The following SLC19A3 variants were observed in gnomAD, a reference collection of about 807,000 sequenced individuals.
SLC19A3 encodes the protein thiamine transporter 2.
Under a neutral mutation model 40.2 loss-of-function variants are expected in SLC19A3, and 31 were observed. That is an observed-to-expected ratio of 0.77 (90% CI 0.58 to 1.04). The LOEUF is 1.04. Ranked by LOEUF, SLC19A3 falls within the 50% of genes least tolerant of loss-of-function variation. The pLI is 0.00. For synonymous variants in SLC19A3, 212 were observed against 227.5 expected, an observed-to-expected ratio of 0.93 and a Z score of 0.61; for missense variants, 592 against 596.7, an observed-to-expected ratio of 0.99 and a Z score of 0.08.
rs143083178 is a variant in SLC19A3 at position 227,684,623 on chromosome 2, A to T, written c.*2774T>A. 3.0e-4 allele frequency: 45 copies of T among 152,420 alleles called. No homozygotes were observed. Among genetic ancestry groups the T allele is most frequent in the African/African-American group, 1.1e-3 (44 of 41,466 alleles). The allele number at this position is 152,420 out of a possible 1,614,324, so 9.4% of individuals were successfully genotyped here. On this transcript the variant is annotated 3_prime_UTR_variant, in exon 6 of 6. Transcript: ENST00000644224. The stretch of plus-strand genomic sequence containing the variant: ...CACCTGGCCTCCTTTCCAATTTCTG[A>T]CCTCTGATTTTTCTTGTTTGTCTAA...
At chr2:227,704,522 T>C (rs1330081942) in intron 1 of SLC19A3, among the ~76,000 whole-genome samples, 2 of 152,184 alleles carry the variant, frequency 1.3e-5, no homozygotes, top group African/African-American at 2.4e-5. Context: ...GGTAGTAAGA[T>C]TTGTGCTCAT....
intron 1 of SLC19A3, among the ~76,000 whole-genome samples, chr2:227,713,764 A>G (rs1696229773): frequency 1.3e-5 from 2 of 150,072 alleles, no homozygotes; most frequent in South Asian, 4.2e-4. Flanking sequence ...ACAGATTAAG[A>G]AAAAAAAGAT....
chr2:227,705,598 T>G (rs1050150685), intron 1 of SLC19A3, among the ~76,000 whole-genome samples: 3 of 152,134 alleles, frequency 2.0e-5, no homozygotes, highest in Non-Finnish European at 2.9e-5. Context: ...GTTGAAGTAA[T>G]TTACGTTCCC....
chr2:227,690,706 C>CAAAAAAAAAAAAAAAAAAAAA (rs34163746), intron 4 of SLC19A3, among the ~76,000 whole-genome samples: 4 of 39,166 alleles, frequency 1.0e-4, no homozygotes, highest in African/African-American at 2.9e-4. Context: ...GACTCCATCT[C>CAAAAAAAAAAAAAAAAAAAAA]AAAAAAAAAA....
At position 227,703,396 on chromosome 2, in the gene SLC19A3, C is replaced by A. The variant is rs1045597331; in HGVS notation, c.-2-1076G>T. Among the ~76,000 whole-genome samples, 1 of 152,246 alleles carries A rather than the reference C, an allele frequency of 6.6e-6. No individual in the cohort carries two copies. The highest frequency in any genetic ancestry group is 6.5e-5 in the Admixed American group (1 of 15,286). ...TCACATCATTGCGGCTTGCCACTCA[C>A]CCTACCCTTTCCCAAGGTGACCCCG... On this transcript the variant is annotated intron_variant, in intron 1 of 5. Transcript: ENST00000644224. This position sits in a 1 kb window ranked among gnomAD's most constrained non-coding sequence, Gnocchi z 4.7.
At chr2:227,702,734 C>T (rs530470469) in intron 1 of SLC19A3, 17 of 194,660 alleles carry the variant, frequency 8.7e-5, no homozygotes, top group Non-Finnish European at 1.6e-4. Context: ...CATTGTATGG[C>T]AGCTATATTT....
chr2:227,694,247 T>C (rs1306524292), intron 4 of SLC19A3, among the ~76,000 whole-genome samples: 1 of 152,154 alleles, frequency 6.6e-6, no homozygotes, highest in Non-Finnish European at 1.5e-5. Context: ...CCTCAGGTGA[T>C]CCACCTGCTT....
rs756630237 is a variant in SLC19A3 at position 227,702,016 on chromosome 2, T to C, written c.150+153A>G. 1.6e-5 allele frequency: 11 copies of C among 674,850 alleles called. 1 individual carries two copies. Among genetic ancestry groups the C allele is most frequent in the South Asian group, 1.1e-4 (6 of 53,044 alleles). The allele number at this position is 674,850 out of a possible 1,614,324, so 41.8% of individuals were successfully genotyped here. On this transcript the variant is annotated intron_variant, in intron 2 of 5. Transcript: ENST00000644224. ...TTGCAAGTAAGAAGAGGAAATAGTT[T>C]GAAAAGTTCTATATGGGACACATAT...
At chr2:227,712,669 A>T (rs1288795956) in intron 1 of SLC19A3, among the ~76,000 whole-genome samples, 1 of 152,236 alleles carries the variant, frequency 6.6e-6, no homozygotes, top group Non-Finnish European at 1.5e-5. Flanking sequence ...AATGAGAAGC[A>T]ACTAAATGTC....
chr2:227,686,303 G>A lies in SLC19A3; in HGVS notation c.*1094C>T, dbSNP rs111724178. The stretch of plus-strand genomic sequence containing the variant: ...CCTTTAAGTTTTCCTATTTTAGACA[G>A]ACACCACACAGGTGCTCTTTTTTGG... On this transcript the variant is annotated 3_prime_UTR_variant, in exon 6 of 6. Transcript: ENST00000644224. 1,572 of 313,230 alleles carry A rather than the reference G, an allele frequency of 5.0e-3. 14 individuals carry two copies. Among genetic ancestry groups the A allele is most frequent in the Non-Finnish European group, 7.0e-3 (1,077 of 154,680 alleles). The allele number at this position is 313,230 out of a possible 1,614,324, so 19.4% of individuals were successfully genotyped here.
At chr2:227,709,888 T>C (rs1233518273) in intron 1 of SLC19A3, among the ~76,000 whole-genome samples, 1 of 152,094 alleles carries the variant, frequency 6.6e-6, no homozygotes, top group African/African-American at 2.4e-5. Flanking sequence ...CCAACCTTCC[T>C]GGCACCAGGA....
intron 1 of SLC19A3, chr2:227,706,415 C>G: frequency 8.1e-7 from 1 of 1,231,020 alleles, no homozygotes; most frequent in East Asian, 3.2e-5. Flanking sequence ...CATCTTCACC[C>G]ATTATTATAA....
intron 3 of SLC19A3, 100 bp from the exon 4 acceptor site, chr2:227,696,181 G>C: frequency 9.0e-7 from 1 of 1,112,438 alleles, no homozygotes; most frequent in South Asian, 1.3e-5. Context: ...AATTCTGAAA[G>C]ATAAATATAT....
chr2:227,685,307 C>A lies in SLC19A3; in HGVS notation c.*2090G>T, dbSNP rs2106315007. The A allele has an allele frequency of 6.6e-6, 1 of 152,362 alleles. No homozygotes were observed. Among genetic ancestry groups the A allele is most frequent in the Non-Finnish European group, 1.5e-5 (1 of 68,124 alleles). The allele number at this position is 152,362 out of a possible 1,614,324, so 9.4% of individuals were successfully genotyped here. A position where few individuals can be genotyped will look rare whatever the true frequency, so the allele number is the denominator to read the frequency against. ...GTCCTCGGGGAATTTTTACTCATGG[C>A]AGAAGGCAAAGTGGGAGCAGGCATC... On this transcript the variant is annotated 3_prime_UTR_variant, in exon 6 of 6. Coordinates refer to ENST00000644224, the MANE Select transcript of SLC19A3 (RefSeq NM_025243.4).
chr2:227,713,525 A>C (rs1352127771), intron 1 of SLC19A3, among the ~76,000 whole-genome samples: 1 of 151,866 alleles, frequency 6.6e-6, no homozygotes, highest in Non-Finnish European at 1.5e-5. Flanking sequence ...TTAATGTATT[A>C]ATGGGTCATC....
intron 4 of SLC19A3, among the ~76,000 whole-genome samples, chr2:227,689,047 CT>C (rs1469811453): frequency 6.6e-6 from 1 of 151,914 alleles, no homozygotes; most frequent in Non-Finnish European, 1.5e-5. Context: ...AATTAGCAAG[CT>C]TGAAGACAAG....
Position 227,686,022 on chromosome 2 carries a change from C to A in SLC19A3, c.*1375G>T. 3.3e-6 allele frequency: 1 copy of A among 304,804 alleles called. No homozygotes were observed. The highest frequency in any genetic ancestry group is 6.7e-6 in the Non-Finnish European group (1 of 149,408). 18.9% of individuals were successfully genotyped at this position (304,804 alleles called of 1,614,324 possible). A position where few individuals can be genotyped will look rare whatever the true frequency, so the allele number is the denominator to read the frequency against. On this transcript the variant is annotated 3_prime_UTR_variant, in exon 6 of 6. Transcript: ENST00000644224. ...GACCAGCCTGGCCAACATTGTGAAACCCCATCTCCACTAAAAATACAAAAA... is the reference window on the plus strand; with the variant it reads ...GACCAGCCTGGCCAACATTGTGAAAACCCATCTCCACTAAAAATACAAAAA...
chr2:227,693,862 AACAACTCT>A (rs1357893726), intron 4 of SLC19A3, among the ~76,000 whole-genome samples: 14 of 152,182 alleles, frequency 9.2e-5, no homozygotes, highest in African/African-American at 3.4e-4. Context: ...AAGGAGTTCA[AACAACTCT>A]ACAGGGAAAA....
chr2:227,691,104 TCAA>T (rs1695208153), intron 4 of SLC19A3, among the ~76,000 whole-genome samples: 1 of 151,632 alleles, frequency 6.6e-6, no homozygotes, highest in Non-Finnish European at 1.5e-5. Context: ...AAACTAGAAA[TCAA>T]CAACAAGAGG....
Sources: gnomAD v4.1 joint callset for allele counts (sites outside exome capture counted in the v4.1 genomes callset) on GRCh38, gnomAD v4.1.1 for gene constraint, Gnocchi (gnomAD v3.1) non-coding constraint, MANE v1.5 for transcripts, NCBI Gene and HGNC (gene_info 2026-07-23, HGNC 2026-07-21) for gene names.